ABR: variants seen among roughly 807,000 people sequenced by gnomAD.
ABR encodes the protein ABR activator of RhoGEF and GTPase, also known as active breakpoint cluster region-related protein.
Under a neutral mutation model 107.2 loss-of-function variants are expected in ABR, and 35 were observed. The ratio of observed to expected loss-of-function variants is 0.33; its 90% CI spans 0.25 to 0.43. ABR has a LOEUF of 0.43. Ranked by LOEUF, ABR falls within the 20% of genes least tolerant of loss-of-function variation. The pLI is 1.00. For missense variants in ABR, 815 were observed against 1,115.2 expected (o/e 0.73, Z 3.83); for synonymous variants, 498 against 462.0 (o/e 1.08, Z -1.00).
intron 16 of ABR, among the ~76,000 whole-genome samples, chr17:1,015,155 G>T (rs544615192): frequency 6.6e-6 from 1 of 152,024 alleles, no homozygotes; most frequent in Non-Finnish European, 1.5e-5. Context: ...GGTGGCTCAC[G>T]CCTGTAATCC....
Position 1,050,249 on chromosome 17 carries a change from G to T in ABR, c.1660-68C>A. 1 of 1,552,696 alleles carries T rather than the reference G, an allele frequency of 6.4e-7. No homozygotes were observed. Among genetic ancestry groups the T allele is most frequent in the Admixed American group, 1.9e-5 (1 of 52,520 alleles). ...GGAGGCCTGGCTTTCCGGCAGGTGC[G>T]TGCCTCAGCTTTGCAAGGAGGAGGG... On this transcript the variant is annotated intron_variant, in intron 15 of 22. Transcript: ENST00000302538. This position sits in a 1 kb window ranked among gnomAD's most constrained non-coding sequence, Gnocchi z 4.6.
intron 2 of ABR, 27 bp from the exon 3 acceptor site, chr17:1,100,762 A>G: frequency 6.2e-7 from 1 of 1,611,494 alleles, no homozygotes; most frequent in Non-Finnish European, 8.5e-7. Context: ...CACAGCCAAC[A>G]GCTCATGAGC....
At chr17:1,226,610 G>T (rs1472711954) in intron 1 of ABR, among the ~76,000 whole-genome samples, 1 of 151,270 alleles carries the variant, frequency 6.6e-6, no homozygotes, top group African/African-American at 2.4e-5. Flanking sequence ...ATGTACATAT[G>T]CAGGTGTGTG....
chr17:1,085,258 G>A (rs926363971), intron 4 of ABR, among the ~76,000 whole-genome samples: 4 of 151,456 alleles, frequency 2.6e-5, no homozygotes, highest in African/African-American at 4.9e-5. Context: ...GACTACAGGC[G>A]CCCGCCACCA....
intron 1 of ABR, among the ~76,000 whole-genome samples, chr17:1,126,789 G>A (rs1014118700): frequency 1.3e-5 from 2 of 152,152 alleles, no homozygotes; most frequent in Non-Finnish European, 2.9e-5. Flanking sequence ...TGAGCCCCTG[G>A]GGCAGGAGGT....
chr17:1,042,590 C>T (rs1301706518), intron 16 of ABR, among the ~76,000 whole-genome samples: 1 of 101,018 alleles, frequency 9.9e-6, no homozygotes, highest in Non-Finnish European at 2.2e-5. Flanking sequence ...CCTACGTCCA[C>T]AGACGGATGG....
Position 1,148,152 on chromosome 17 carries a change from C to G in ABR, c.62-22785G>C, listed in dbSNP as rs2040632727. On this transcript the variant is annotated intron_variant, in intron 1 of 22. Coordinates refer to ENST00000302538, the MANE Select transcript of ABR (RefSeq NM_021962.5). This position sits in a 1 kb window ranked among gnomAD's most constrained non-coding sequence, Gnocchi z 4.9. ...GGTTGTCGGGGAAATACCCGCATTCCTAAGAGCATTATTGACACTTGCCAA... is the reference window on the plus strand; with the variant it reads ...GGTTGTCGGGGAAATACCCGCATTCGTAAGAGCATTATTGACACTTGCCAA... Among the ~76,000 whole-genome samples, 1 of 152,214 alleles carries G rather than the reference C, an allele frequency of 6.6e-6. No individual in the cohort carries two copies. Among genetic ancestry groups the G allele is most frequent in the African/African-American group, 2.4e-5 (1 of 41,448 alleles).
chr17:1,072,870 C>T (rs574480163), intron 7 of ABR, 116 bp from the exon 8 acceptor site: 24 of 1,336,928 alleles, frequency 1.8e-5, no homozygotes, highest in South Asian at 4.3e-5. Context: ...GCCTAATTCC[C>T]GCAAAATCTG....
intron 1 of ABR, among the ~76,000 whole-genome samples, chr17:1,211,349 T>C (rs1331967756): frequency 6.6e-6 from 1 of 152,176 alleles, no homozygotes; most frequent in Non-Finnish European, 1.5e-5. Flanking sequence ...ATTCCAGGTT[T>C]TGCTCTGACC....
intron 1 of ABR, among the ~76,000 whole-genome samples, chr17:1,220,303 A>T (rs1170286574): frequency 1.3e-5 from 2 of 148,390 alleles, no homozygotes; most frequent in Non-Finnish European, 3.0e-5. Context: ...AAAAAAAAAA[A>T]TTTAAAGTAA....
At position 1,064,668 on chromosome 17, in the gene ABR, T is replaced by C. The variant is rs530801721; in HGVS notation, c.1182+2409A>G. The stretch of plus-strand genomic sequence containing the variant: ...GCTATGCATGTTCCTCTAGACACTG[T>C]TGTTACGTGAACTGAGGGCTATACA... On this transcript the variant is annotated intron_variant, in intron 10 of 22. Coordinates refer to ENST00000302538, the MANE Select transcript of ABR (RefSeq NM_021962.5). Among the ~76,000 whole-genome samples the C allele has an allele frequency of 5.4e-4, 66 of 122,846 alleles. 2 individuals carry two copies. Among genetic ancestry groups the C allele is most frequent in the Admixed American group, 6.0e-4 (7 of 11,694 alleles). The allele number at this position is 122,846 out of a possible 152,430, so 80.6% of individuals were successfully genotyped here.
intron 7 of ABR, among the ~76,000 whole-genome samples, chr17:1,073,004 AC>A (rs2035368331): frequency 6.6e-6 from 1 of 152,006 alleles, no homozygotes; most frequent in South Asian, 2.1e-4. Flanking sequence ...ACGTGGTGAA[AC>A]CCCATCTCTA....
At position 1,084,232 on chromosome 17, in the gene ABR, C is replaced by G. The variant is rs927503520; in HGVS notation, c.532-605G>C. On this transcript the variant is annotated intron_variant, in intron 4 of 22. Transcript: ENST00000302538. This position sits in a 1 kb window ranked among gnomAD's most constrained non-coding sequence, Gnocchi z 4.2. The stretch of plus-strand genomic sequence containing the variant: ...TCTCTACTAAAAATACAAAAATTAG[C>G]TGGGCATGGTGGCGCGTGCCTGTAA... Among the ~76,000 whole-genome samples, 5 of 152,226 alleles carry G rather than the reference C, an allele frequency of 3.3e-5. No homozygotes were observed. The highest frequency in any genetic ancestry group is 1.2e-4 in the African/African-American group (5 of 41,460).
intron 1 of ABR, among the ~76,000 whole-genome samples, chr17:1,156,556 C>T (rs2041051601): frequency 6.6e-6 from 1 of 152,092 alleles, no homozygotes; most frequent in African/African-American, 2.4e-5. Flanking sequence ...TGGTGGCGCA[C>T]ACCTACAATC....
chr17:1,088,995 A>C (rs912474933), intron 4 of ABR, among the ~76,000 whole-genome samples: 1 of 148,872 alleles, frequency 6.7e-6, no homozygotes, highest in African/African-American at 2.5e-5. Context: ...TCCCAGGTTC[A>C]AGCGATTCTC....
intron 2 of ABR, chr17:1,109,176 C>CGCGCCCGGCCTGGG (rs2038487707): frequency 2.9e-6 from 4 of 1,365,952 alleles, no homozygotes; most frequent in Non-Finnish European, 3.8e-6. Flanking sequence ...TCTACACCCG[C>CGCGCCCGGCCTGGG]GCGCCCGGCC....
intron 3 of ABR, among the ~76,000 whole-genome samples, chr17:1,095,397 G>C (rs2037344438): frequency 6.6e-6 from 1 of 152,216 alleles, no homozygotes; most frequent in East Asian, 1.9e-4. Flanking sequence ...CTCGCGGGGA[G>C]GGGACAGGGC....
At chr17:1,173,371 C>A in intron 1 of ABR, among the ~76,000 whole-genome samples, 1 of 147,768 alleles carries the variant, frequency 6.8e-6, no homozygotes, top group East Asian at 2.0e-4. Flanking sequence ...CACCTCAGCC[C>A]ACCCCCCACA....
At chr17:1,149,288 G>A (rs1490765528) in intron 1 of ABR, among the ~76,000 whole-genome samples, 1 of 151,994 alleles carries the variant, frequency 6.6e-6, no homozygotes, top group Non-Finnish European at 1.5e-5. Context: ...CAGGGACAGA[G>A]ACCCCCCCAT....
Sources: gnomAD v4.1 joint callset for allele counts (sites outside exome capture counted in the v4.1 genomes callset) on GRCh38, gnomAD v4.1.1 for gene constraint, Gnocchi (gnomAD v3.1) non-coding constraint, MANE v1.5 for transcripts, NCBI Gene and HGNC (gene_info 2026-07-23, HGNC 2026-07-21) for gene names.